SDK1: variants seen among roughly 807,000 people sequenced by gnomAD.
SDK1 encodes sidekick cell adhesion molecule 1, also known as protein sidekick-1.
A neutral mutation model predicts 245.5 loss-of-function variants in SDK1; 157 were observed. The observed-to-expected ratio is 0.64, with a 90% CI of 0.56 to 0.73. SDK1 has a LOEUF of 0.73. Ranked by LOEUF, SDK1 falls within the 30% of genes least tolerant of loss-of-function variation. The pLI is 0.00. For synonymous variants in SDK1, 1,647 were observed against 1,278.5 expected, an observed-to-expected ratio of 1.29 and a Z score of -6.15; for missense variants, 3,583 against 3,002.3, an observed-to-expected ratio of 1.19 and a Z score of -4.52.
rs566632387 is a variant in SDK1, at chr7:4,079,404, C to T, written c.3203-59C>T. The stretch of plus-strand genomic sequence containing the variant: ...ACTTTTGAAGCTGACACGTTTGATA[C>T]CTTTCCTAAGCTGTGACGGACTGTA... On this transcript the variant is annotated intron_variant, in intron 21 of 44. Transcript: ENST00000404826. 4 of 1,586,932 alleles carry T rather than the reference C, an allele frequency of 2.5e-6. No individual in the cohort carries two copies. In the Admixed American group the frequency reaches 5.1e-5, roughly 20 times the overall value.
At chr7:3,906,686 G>A (rs1387666262) in intron 5 of SDK1, among the ~76,000 whole-genome samples, 2 of 137,424 alleles carry the variant, frequency 1.5e-5, no homozygotes, top group Admixed American at 1.6e-4. Context: ...GGAGTGCAGT[G>A]GCAAGATCTC....
At chr7:4,044,422 G>A (rs980766436) in intron 17 of SDK1, among the ~76,000 whole-genome samples, 2 of 152,006 alleles carry the variant, frequency 1.3e-5, no homozygotes, top group Non-Finnish European at 2.9e-5. Context: ...CATGGGAAAA[G>A]TATCAAAGAA....
chr7:3,492,971 G>A (rs958182939), intron 1 of SDK1, among the ~76,000 whole-genome samples: 2 of 152,050 alleles, frequency 1.3e-5, no homozygotes, highest in Non-Finnish European at 2.9e-5. Flanking sequence ...TATTTTTTGA[G>A]ACGGAGTCTT....
At chr7:3,441,159 A>G (rs1036557927) in intron 1 of SDK1, among the ~76,000 whole-genome samples, 1 of 152,208 alleles carries the variant, frequency 6.6e-6, no homozygotes, top group Non-Finnish European at 1.5e-5. Context: ...TCACATAACT[A>G]TTATTACAGT....
intron 5 of SDK1, among the ~76,000 whole-genome samples, chr7:3,929,442 A>G (rs1449419987): frequency 6.6e-6 from 1 of 152,198 alleles, no homozygotes; most frequent in Non-Finnish European, 1.5e-5. Context: ...GAGATCCAAC[A>G]ATCAGAAAAG....
At chr7:3,752,813 C>G (rs1183650612) in intron 4 of SDK1, among the ~76,000 whole-genome samples, 4 of 152,154 alleles carry the variant, frequency 2.6e-5, no homozygotes, top group Non-Finnish European at 2.9e-5. Context: ...TGTTATTTCT[C>G]TCTATAGTTT....
intron 14 of SDK1, among the ~76,000 whole-genome samples, chr7:4,009,000 T>G (rs1266650091): frequency 6.6e-6 from 1 of 152,264 alleles, no homozygotes; most frequent in East Asian, 1.9e-4. Flanking sequence ...CTATACCATT[T>G]TATATTCAGA....
chr7:3,323,947 A>G (rs980385976), intron 1 of SDK1, among the ~76,000 whole-genome samples: 5 of 151,498 alleles, frequency 3.3e-5, no homozygotes, highest in East Asian at 2.2e-4. Flanking sequence ...CAGGGTTTCT[A>G]TTACCTATGT....
intron 4 of SDK1, among the ~76,000 whole-genome samples, chr7:3,818,278 T>C (rs1779558327): frequency 6.6e-6 from 1 of 152,262 alleles, no homozygotes; most frequent in Non-Finnish European, 1.5e-5. Flanking sequence ...GTGTAAGTTT[T>C]AAATGTGTCA....
chr7:3,861,855 GA>G (rs1780700060), intron 5 of SDK1, among the ~76,000 whole-genome samples: 1 of 152,178 alleles, frequency 6.6e-6, no homozygotes. Flanking sequence ...CCTGATTACT[GA>G]ATTAAAAGAG....
In SDK1 at chr7:3,656,471, C is replaced by G. The variant is rs1242312205; in HGVS notation, c.713+14366C>G. The stretch of plus-strand genomic sequence containing the variant: ...AAGTCACTCCCGAAGTGCAAAATTC[C>G]CTCAAAAGCAAATGTACTTTGGACT... On this transcript the variant is annotated intron_variant, in intron 4 of 44. Transcript: ENST00000404826. 2.6e-5 allele frequency among the ~76,000 whole-genome samples: 4 copies of G among 152,154 alleles called. No individual in the cohort carries two copies. The East Asian group carries it at 7.7e-4, about 29-fold the overall frequency.
At chr7:4,131,991 G>A (rs1200005073) in intron 27 of SDK1, among the ~76,000 whole-genome samples, 3 of 152,134 alleles carry the variant, frequency 2.0e-5, no homozygotes, top group African/African-American at 7.2e-5. Context: ...CCTGATGTTT[G>A]CTCTCAGAGT....
intron 4 of SDK1, among the ~76,000 whole-genome samples, chr7:3,718,957 A>G (rs556023116): frequency 6.6e-6 from 1 of 152,346 alleles, no homozygotes; most frequent in South Asian, 2.1e-4. Flanking sequence ...ATAAAAATCC[A>G]TCACGTTTCT....
intron 4 of SDK1, among the ~76,000 whole-genome samples, chr7:3,703,655 G>C (rs1253169775): frequency 1.3e-5 from 2 of 152,158 alleles, no homozygotes; most frequent in Non-Finnish European, 2.9e-5. Context: ...TCCATTAAGA[G>C]AATCAGGGTA....
intron 1 of SDK1, among the ~76,000 whole-genome samples, chr7:3,449,859 A>G (rs1411754334): frequency 6.6e-6 from 1 of 152,224 alleles, no homozygotes; most frequent in Non-Finnish European, 1.5e-5. Context: ...CCTATAGCTT[A>G]GGAGCTAGTG....
chr7:3,595,830 A>C (rs1356086099), intron 1 of SDK1, among the ~76,000 whole-genome samples: 2 of 3,142 alleles, frequency 6.4e-4, no homozygotes, highest in Non-Finnish European at 1.5e-3. Context: ...CTTCATCTCA[A>C]AAAAAAAAAA....
Position 4,268,955 on chromosome 7 carries a change from T to A in SDK1, c.*3571T>A, listed in dbSNP as rs766704392. On this transcript the variant is annotated 3_prime_UTR_variant, in exon 45 of 45. Transcript: ENST00000404826. ...AACAACTTGTAGGAAGACAGAGAGGTGCTATGGGTACAATTTTTAATAAAA... is the reference window on the plus strand; with the variant it reads ...AACAACTTGTAGGAAGACAGAGAGGAGCTATGGGTACAATTTTTAATAAAA... 1 of 300,778 alleles carries A rather than the reference T, an allele frequency of 3.3e-6. No individual in the cohort carries two copies. Among genetic ancestry groups the A allele is most frequent in the Non-Finnish European group, 6.7e-6 (1 of 148,762 alleles). 18.6% of individuals were successfully genotyped at this position (300,778 alleles called of 1,614,324 possible).
intron 10 of SDK1, among the ~76,000 whole-genome samples, chr7:3,967,947 C>G (rs1782203949): frequency 6.6e-6 from 1 of 152,222 alleles, no homozygotes; most frequent in South Asian, 2.1e-4. Context: ...CAGACAAGAT[C>G]CCTGCCTTCT....
At chr7:3,301,929 G>C in intron 1 of SDK1, 45 bp downstream of exon 1, 1 of 1,114,808 alleles carries the variant, frequency 9.0e-7, no homozygotes, top group Non-Finnish European at 1.1e-6. Context: ...GCCTCGGGGC[G>C]CGGAGGCGCG....
Sources: gnomAD v4.1 joint callset for allele counts (sites outside exome capture counted in the v4.1 genomes callset) on GRCh38, gnomAD v4.1.1 for gene constraint, MANE v1.5 for transcripts, NCBI Gene and HGNC (gene_info 2026-07-23, HGNC 2026-07-21) for gene names.